TRRAP: variants seen among roughly 807,000 people sequenced by gnomAD.
TRRAP encodes transformation/transcription domain-associated protein.
In TRRAP, 41 loss-of-function variants were observed where a neutral mutation model predicts 438.8. That is an observed-to-expected ratio of 0.09 (90% CI 0.07 to 0.12). TRRAP has a LOEUF of 0.12. Ranked by LOEUF, TRRAP falls within the 10% of genes least tolerant of loss-of-function variation. The probability of loss-of-function intolerance (pLI) is 1.00; values close to 1 mark genes in which losing one functional copy is unlikely to be tolerated. For synonymous variants in TRRAP, 1,994 were observed against 1,962.9 expected (o/e 1.02, Z -0.42); for missense variants, 3,122 against 5,055.1 (o/e 0.62, Z 11.60).
intron 52 of TRRAP, among the ~76,000 whole-genome samples, chr7:98,971,064 C>T (rs1792395537): frequency 6.6e-6 from 1 of 152,182 alleles, no homozygotes; most frequent in South Asian, 2.1e-4. Context: ...GTGCTGCAGG[C>T]GGGCATGGCA....
At chr7:98,900,859 T>G (rs1279955339) in intron 11 of TRRAP, 139 bp downstream of exon 11, 1 of 676,498 alleles carries the variant, frequency 1.5e-6, no homozygotes, top group Non-Finnish European at 2.4e-6. Context: ...TACATTTCCA[T>G]CAACCTCCAA....
rs782271251 is a variant in TRRAP, at chr7:98,943,029, G to T, written c.4473+12G>T. ...GGAGCGACGGAAACGTGAGTGACTT[G>T]TTTGTTTCTGGGAAGGGCACCAGCC... On this transcript the variant is annotated intron_variant, in intron 31 of 72. Coordinates refer to ENST00000456197, the MANE Select transcript of TRRAP (RefSeq NM_001375524.1). The T allele has an allele frequency of 6.2e-7, 1 of 1,613,832 alleles. No individual in the cohort carries two copies. The highest frequency in any genetic ancestry group is 1.3e-5 in the African/African-American group (1 of 74,944).
intron 67 of TRRAP, chr7:98,999,092 C>G: frequency 7.4e-7 from 1 of 1,342,628 alleles, no homozygotes; most frequent in Admixed American, 2.2e-5. Context: ...TCCGCTGGCT[C>G]TTTGACCTGG....
intron 28 of TRRAP, among the ~76,000 whole-genome samples, chr7:98,936,013 A>G (rs1790536361): frequency 6.6e-6 from 1 of 152,226 alleles, no homozygotes; most frequent in Admixed American, 6.5e-5. Context: ...ACAGCCTTAG[A>G]AGCTTTTCAA....
Position 98,910,218 on chromosome 7 carries a change from G to GGCCCCCCCCCCCCCC in TRRAP, c.1513_1514insGCCCCCCCCCCCCCC (p.Ala505delinsGlyProProProProPro). 2.9e-6 allele frequency: 4 copies of GGCCCCCCCCCCCCCC among 1,377,598 alleles called. No homozygotes were observed. The highest frequency in any genetic ancestry group is 3.8e-6 in the Non-Finnish European group (4 of 1,064,928). The allele number at this position is 1,377,598 out of a possible 1,614,324, so 85.3% of individuals were successfully genotyped here. On this transcript the variant is annotated protein_altering_variant, in exon 15 of 73. Transcript: ENST00000456197. The stretch of plus-strand genomic sequence containing the variant: ...TGCTCCCTCCCCAGCCCCTGTCCCT[G>GGCCCCCCCCCCCCCC]CCCCACCTCCACCCCCGCCCCCACC...
chr7:98,907,982 C>T (rs1455185647), intron 13 of TRRAP, among the ~76,000 whole-genome samples: 1 of 152,238 alleles, frequency 6.6e-6, no homozygotes, highest in East Asian at 1.9e-4. Flanking sequence ...GCAGTTACCA[C>T]CTCTGGGCCT....
chr7:99,005,462 G>A lies in TRRAP; in HGVS notation c.10753+114G>A. The stretch of plus-strand genomic sequence containing the variant: ...CACGTTAGCCTTTGAGGGTCCAGCT[G>A]CGTCAGCAGAGAATGTTGTAGTCTG... On this transcript the variant is annotated intron_variant, in intron 69 of 72. Coordinates refer to ENST00000456197, the MANE Select transcript of TRRAP (RefSeq NM_001375524.1). This position sits in a 1 kb window ranked among gnomAD's most constrained non-coding sequence, Gnocchi z 5.1. 1.0e-6 allele frequency: 1 copy of A among 987,916 alleles called. No homozygotes were observed. Among genetic ancestry groups the A allele is most frequent in the Non-Finnish European group, 1.6e-6 (1 of 644,568 alleles). 61.2% of individuals were successfully genotyped at this position (987,916 alleles called of 1,614,324 possible).
At chr7:98,933,515 C>T (rs1268609273) in intron 27 of TRRAP, 113 bp downstream of exon 27, 6 of 1,412,790 alleles carry the variant, frequency 4.2e-6, no homozygotes, top group Admixed American at 2.2e-5. Context: ...GGGCGGGGAC[C>T]TGCAGGTAAC....
chr7:99,006,820 G>C (rs1794183947), intron 69 of TRRAP, among the ~76,000 whole-genome samples: 1 of 152,304 alleles, frequency 6.6e-6, no homozygotes, highest in South Asian at 2.1e-4. Context: ...TCTTCACAAA[G>C]TATTATCTCA....
At chr7:98,970,835 T>C (rs145306065) in intron 52 of TRRAP, among the ~76,000 whole-genome samples, 1 of 152,312 alleles carries the variant, frequency 6.6e-6, no homozygotes, top group East Asian at 1.9e-4. Context: ...TCAGAACCCA[T>C]GTCTCTGCCT....
chr7:98,969,010 C>G (rs1202251637), intron 51 of TRRAP, among the ~76,000 whole-genome samples: 2 of 152,220 alleles, frequency 1.3e-5, no homozygotes, highest in African/African-American at 4.8e-5. Context: ...GTCCTCGACT[C>G]CCTCCTTCCT....
At chr7:99,006,392 A>G (rs543164626) in intron 69 of TRRAP, among the ~76,000 whole-genome samples, 1 of 152,358 alleles carries the variant, frequency 6.6e-6, no homozygotes, top group African/African-American at 2.4e-5. Flanking sequence ...AGAAAGCTCA[A>G]AATGCATCAC....
intron 47 of TRRAP, among the ~76,000 whole-genome samples, chr7:98,964,102 T>G (rs1239166749): frequency 6.6e-6 from 1 of 151,372 alleles, no homozygotes; most frequent in East Asian, 1.9e-4. Flanking sequence ...AAAAAAAAGT[T>G]TAATGGGTAG....
At chr7:99,002,996 C>T (rs990216310) in intron 67 of TRRAP, among the ~76,000 whole-genome samples, 6 of 152,184 alleles carry the variant, frequency 3.9e-5, no homozygotes, top group Non-Finnish European at 8.8e-5. Flanking sequence ...AGAGGTTCAG[C>T]GGCGTGCTCC....
intron 47 of TRRAP, 133 bp downstream of exon 47, chr7:98,962,560 C>A (rs1331560703): frequency 1.3e-6 from 2 of 1,529,368 alleles, no homozygotes; most frequent in Admixed American, 3.7e-5. Context: ...GTTCAGGTGT[C>A]TGTTGCCTGG....
chr7:98,891,304 C>T (rs1291117585), intron 4 of TRRAP, among the ~76,000 whole-genome samples: 5 of 149,730 alleles, frequency 3.3e-5, no homozygotes, highest in Non-Finnish European at 7.4e-5. Context: ...CTCTGCCTCC[C>T]AGGTTCAAAC....
In TRRAP at chr7:98,895,787, G is replaced by A; in HGVS notation, c.474G>A (p.Val158=). 2 of 1,606,104 alleles carry A rather than the reference G, an allele frequency of 1.2e-6. No homozygotes were observed. The highest frequency in any genetic ancestry group is 2.2e-5 in the South Asian group (2 of 88,946). ...AGATTCATCATTTTCTGGATTTTGT[G>A]AAACAGATTTACAAGGAGCTTCCAA... ...TQEIHHFLDF[V]KQIYKELPKV... Residue 158 remains valine, a synonymous_variant, in exon 7 of 73, where the codon GTG becomes GTA. Transcript: ENST00000456197.
rs782542109 is a variant in TRRAP, at chr7:98,911,644, T to TA, written c.2007+374dup. Reference sequence around the variant, plus strand: ...AGCTGGGTGTGGTGGCACACACCTGTAGTCTTAGTTACTTGGGAGGTTGAG... The same window carrying TA: ...AGCTGGGTGTGGTGGCACACACCTGTAAGTCTTAGTTACTTGGGAGGTTGAG... On this transcript the variant is annotated intron_variant, in intron 17 of 72. Transcript: ENST00000456197. Among the ~76,000 whole-genome samples the TA allele has an allele frequency of 9.9e-5, 15 of 152,116 alleles. No individual in the cohort carries two copies. In the East Asian group the frequency reaches 2.7e-3, roughly 28 times the overall value.
At chr7:99,003,558 C>T (rs1347136849) in intron 67 of TRRAP, among the ~76,000 whole-genome samples, 1 of 152,190 alleles carries the variant, frequency 6.6e-6, no homozygotes, top group African/African-American at 2.4e-5. Flanking sequence ...CTGTGTCTCC[C>T]AGGGCCCCAG....
Sources: gnomAD v4.1 joint callset for allele counts (sites outside exome capture counted in the v4.1 genomes callset) on GRCh38, gnomAD v4.1.1 for gene constraint, Gnocchi (gnomAD v3.1) non-coding constraint, MANE v1.5 for transcripts, NCBI Gene and HGNC (gene_info 2026-07-23, HGNC 2026-07-21) for gene names.